The following SUCLG2 variants were observed in gnomAD, a reference collection of about 807,000 sequenced individuals.
SUCLG2 encodes the protein succinate-CoA ligase GDP-forming subunit beta, also known as succinate--CoA ligase [GDP-forming] subunit beta, mitochondrial.
In SUCLG2, 42 loss-of-function variants were observed where a neutral mutation model predicts 47.9. The ratio of observed to expected loss-of-function variants is 0.88; its 90% CI spans 0.69 to 1.14. SUCLG2 has a LOEUF of 1.14. Ranked by LOEUF, SUCLG2 falls within the 50% of genes most tolerant of loss-of-function variation. The pLI, the probability that SUCLG2 is intolerant of heterozygous loss-of-function variation, is 0.00. For missense variants in SUCLG2, 571 were observed against 525.9 expected, an observed-to-expected ratio of 1.09 and a Z score of -0.84; for synonymous variants, 195 against 197.3, an observed-to-expected ratio of 0.99 and a Z score of 0.10.
chr3:67,597,898 C>T (rs1708330280), intron 2 of SUCLG2, among the ~76,000 whole-genome samples: 1 of 151,808 alleles, frequency 6.6e-6, no homozygotes, highest in South Asian at 2.1e-4. Flanking sequence ...AGATCGTGCC[C>T]CTGCATTCCA....
intron 2 of SUCLG2, among the ~76,000 whole-genome samples, chr3:67,567,126 G>C (rs1353587140): frequency 1.3e-5 from 2 of 151,902 alleles, no homozygotes; most frequent in Admixed American, 1.3e-4. Context: ...AGAAGTTGTA[G>C]TGCGCCAAGA....
intron 2 of SUCLG2, among the ~76,000 whole-genome samples, chr3:67,532,850 A>G (rs58093651): frequency 0.079 from 11,957 of 152,166 alleles, 556 homozygotes; most frequent in East Asian, 0.17. Context: ...TTTTACAAAT[A>G]TTTTCTTTTC....
intron 1 of SUCLG2, among the ~76,000 whole-genome samples, chr3:67,653,329 C>T (rs1016992116): frequency 1.3e-5 from 2 of 152,112 alleles, no homozygotes; most frequent in African/African-American, 2.4e-5. Flanking sequence ...ACTGCCATTC[C>T]TTTTGCTACC....
chr3:67,370,346 A>G (rs966990742), downstream of SUCLG2, among the ~76,000 whole-genome samples: 1 of 152,204 alleles, frequency 6.6e-6, no homozygotes. Flanking sequence ...TTTTAACTAG[A>G]GGTCCAAAAT....
intron 1 of SUCLG2, among the ~76,000 whole-genome samples, chr3:67,628,150 G>T (rs1363401463): frequency 2.0e-5 from 3 of 152,076 alleles, no homozygotes; most frequent in Non-Finnish European, 2.9e-5. Flanking sequence ...TAAATACATA[G>T]AAATTTAGTA....
At chr3:67,616,008 T>A (rs182679203) in intron 1 of SUCLG2, among the ~76,000 whole-genome samples, 1 of 151,952 alleles carries the variant, frequency 6.6e-6, no homozygotes, top group Non-Finnish European at 1.5e-5. Flanking sequence ...CAAGTAACCA[T>A]GTGTACCCCT....
chr3:67,540,373 G>A (rs1706669855), intron 2 of SUCLG2, among the ~76,000 whole-genome samples: 1 of 152,014 alleles, frequency 6.6e-6, no homozygotes, highest in African/African-American at 2.4e-5. Flanking sequence ...AGGGGCATCT[G>A]CCATTACTGA....
At chr3:67,568,610 G>A (rs934207660) in intron 2 of SUCLG2, among the ~76,000 whole-genome samples, 21 of 152,278 alleles carry the variant, frequency 1.4e-4, no homozygotes, top group African/African-American at 4.3e-4. Flanking sequence ...AGAGTGAGCC[G>A]GGCGCGGTGG....
chr3:67,470,140 T>C (rs999046743), intron 9 of SUCLG2, among the ~76,000 whole-genome samples: 4 of 151,686 alleles, frequency 2.6e-5, no homozygotes, highest in African/African-American at 7.3e-5. Context: ...GGTCTATACA[T>C]AAATCTGATC....
At chr3:67,380,618 A>G (rs1702136847) in intron 10 of SUCLG2, among the ~76,000 whole-genome samples, 1 of 152,112 alleles carries the variant, frequency 6.6e-6, no homozygotes, top group Admixed American at 6.5e-5. Context: ...CTCATCTGTT[A>G]TGAGAAATGG....
intron 1 of SUCLG2, among the ~76,000 whole-genome samples, chr3:67,640,647 C>T (rs1314780831): frequency 6.6e-6 from 1 of 152,164 alleles, no homozygotes; most frequent in Non-Finnish European, 1.5e-5. Context: ...TAATTTTCAC[C>T]ACTATTTGCC....
chr3:67,627,096 G>T (rs1700845953), intron 1 of SUCLG2, among the ~76,000 whole-genome samples: 1 of 151,974 alleles, frequency 6.6e-6, no homozygotes, highest in Admixed American at 6.5e-5. Context: ...ATTGAAGATG[G>T]GGGGATTTCA....
intron 2 of SUCLG2, among the ~76,000 whole-genome samples, chr3:67,575,181 C>T (rs1013536649): frequency 3.3e-5 from 5 of 152,104 alleles, no homozygotes; most frequent in Non-Finnish European, 5.9e-5. Flanking sequence ...TAATATCATC[C>T]AATAATTCCA....
chr3:67,591,039 T>A (rs1342796239), intron 2 of SUCLG2, among the ~76,000 whole-genome samples: 1 of 152,222 alleles, frequency 6.6e-6, no homozygotes, highest in Non-Finnish European at 1.5e-5. Flanking sequence ...AATACTGACA[T>A]GTTTTCCAGG....
downstream of SUCLG2, among the ~76,000 whole-genome samples, chr3:67,371,701 C>G (rs1701956732): frequency 6.6e-6 from 1 of 152,176 alleles, no homozygotes; most frequent in African/African-American, 2.4e-5. Flanking sequence ...ACCCAGCTTG[C>G]TAAATGTCTT....
At chr3:67,436,096 GA>G (rs1303267268) in intron 9 of SUCLG2, among the ~76,000 whole-genome samples, 1 of 152,154 alleles carries the variant, frequency 6.6e-6, no homozygotes, top group East Asian at 1.9e-4. Flanking sequence ...ATCACAGAAA[GA>G]TATGAAATGA....
intron 1 of SUCLG2, among the ~76,000 whole-genome samples, chr3:67,642,023 C>T (rs1271536639): frequency 6.6e-6 from 1 of 152,182 alleles, no homozygotes; most frequent in Non-Finnish European, 1.5e-5. Context: ...AATTAGGGCC[C>T]TCCCTAACGA....
chr3:67,524,889 C>T, intron 4 of SUCLG2, among the ~76,000 whole-genome samples: 1 of 152,020 alleles, frequency 6.6e-6, no homozygotes, highest in East Asian at 1.9e-4. Flanking sequence ...GCCAGCAACC[C>T]AAAAACATTA....
chr3:67,486,164 C>T (rs1705045658), intron 9 of SUCLG2, among the ~76,000 whole-genome samples: 1 of 152,050 alleles, frequency 6.6e-6, no homozygotes, highest in Non-Finnish European at 1.5e-5. Context: ...ACTCAGGAGG[C>T]TGAGGTGGGA....
Sources: allele counts gnomAD v4.1 joint callset (sites outside exome capture counted in the v4.1 genomes callset), GRCh38; gene constraint gnomAD v4.1.1; transcripts MANE v1.5; gene names NCBI Gene and HGNC (gene_info 2026-07-23, HGNC 2026-07-21).